The following DCP2 variants were observed in gnomAD, a reference collection of about 807,000 sequenced individuals.
DCP2 encodes the protein decapping mRNA 2.
In DCP2, 30 loss-of-function variants were observed where a neutral mutation model predicts 56.1. The observed-to-expected ratio is 0.53, with a 90% CI of 0.40 to 0.73. The LOEUF is 0.73. DCP2 is among the 30% of genes least tolerant of loss of function. The pLI, the probability that DCP2 is intolerant of heterozygous loss-of-function variation, is 0.00. For synonymous variants in DCP2, 197 were observed against 163.3 expected, an observed-to-expected ratio of 1.21 and a Z score of -1.57; for missense variants, 533 against 502.7, an observed-to-expected ratio of 1.06 and a Z score of -0.58.
chr5:113,009,440 A>T (rs1264680711), intron 9 of DCP2, among the ~76,000 whole-genome samples: 1 of 152,236 alleles, frequency 6.6e-6, no homozygotes, highest in Non-Finnish European at 1.5e-5. Flanking sequence ...AATGAGTTAC[A>T]TTTCTCCGAT....
chr5:113,002,548 GTC>G (rs1316256605), intron 7 of DCP2, among the ~76,000 whole-genome samples: 1 of 152,048 alleles, frequency 6.6e-6, no homozygotes, highest in African/African-American at 2.4e-5. Context: ...TTGAGGCAGG[GTC>G]TCTCTCTGTT....
rs1399455178 is a variant in DCP2 at position 113,022,051 on chromosome 5, A to ACAGTT, written c.*8569_*8573dup. 6.6e-6 allele frequency: 1 copy of ACAGTT among 152,224 alleles called. No homozygotes were observed. Among genetic ancestry groups the ACAGTT allele is most frequent in the Non-Finnish European group, 1.5e-5 (1 of 68,028 alleles). 9.4% of individuals were successfully genotyped at this position (152,224 alleles called of 1,614,324 possible). Reference sequence around the variant, plus strand: ...TTTGATATTTGCCTGCATGTATATCACAGTTCTACAGAAGGATAGCCTTAC... The same window carrying ACAGTT: ...TTTGATATTTGCCTGCATGTATATCACAGTTCAGTTCTACAGAAGGATAGCCTTAC... On this transcript the variant is annotated 3_prime_UTR_variant, in exon 11 of 11. Transcript: ENST00000389063.
chr5:113,009,253 C>G (rs538405786), intron 9 of DCP2, among the ~76,000 whole-genome samples: 1 of 152,172 alleles, frequency 6.6e-6, no homozygotes, highest in Admixed American at 6.5e-5. Flanking sequence ...GGGAGAACTT[C>G]ACAAAATACT....
rs1178970864 is a variant in DCP2 at position 113,016,112 on chromosome 5, A to G, written c.*2628A>G. 1 of 152,630 alleles carries G rather than the reference A, an allele frequency of 6.6e-6. No homozygotes were observed. The highest frequency in any genetic ancestry group is 2.4e-5 in the African/African-American group (1 of 41,468). 9.5% of individuals were successfully genotyped at this position (152,630 alleles called of 1,614,324 possible). A position where few individuals can be genotyped will look rare whatever the true frequency, so the allele number is the denominator to read the frequency against. ...TTTAAAAAAATTTGTAGGTGCTTTT[A>G]TGTATAACTTTAATGATTTATAAGA... On this transcript the variant is annotated 3_prime_UTR_variant, in exon 11 of 11. Transcript: ENST00000389063.
At chr5:112,987,189 T>G (rs1195180220) in intron 2 of DCP2, among the ~76,000 whole-genome samples, 1 of 152,038 alleles carries the variant, frequency 6.6e-6, no homozygotes, top group African/African-American at 2.4e-5. Flanking sequence ...GTTTCTAGAA[T>G]TTGGAAAAAA....
At position 113,018,140 on chromosome 5, in the gene DCP2, A is replaced by G. The variant is rs542194710; in HGVS notation, c.*4656A>G. On this transcript the variant is annotated 3_prime_UTR_variant, in exon 11 of 11. Transcript: ENST00000389063. ...ATGGTGATTCATTCCTTTCCATCTA[A>G]CTTCCTTGTGACAAATAGCATTTAC... 1.3e-5 allele frequency: 2 copies of G among 152,272 alleles called. No homozygotes were observed. Among genetic ancestry groups the G allele is most frequent in the African/African-American group, 4.8e-5 (2 of 41,542 alleles). 9.4% of individuals were successfully genotyped at this position (152,272 alleles called of 1,614,324 possible). A position where few individuals can be genotyped will look rare whatever the true frequency, so the allele number is the denominator to read the frequency against.
At position 113,021,400 on chromosome 5, in the gene DCP2, A is replaced by C. The variant is rs1750121490; in HGVS notation, c.*7916A>C. 1.3e-5 allele frequency among the ~76,000 whole-genome samples: 2 copies of C among 151,802 alleles called. No homozygotes were observed. Among genetic ancestry groups the C allele is most frequent in the South Asian group, 2.1e-4 (1 of 4,810 alleles). On this transcript the variant is annotated 3_prime_UTR_variant, in exon 11 of 11. Coordinates refer to ENST00000389063, the MANE Select transcript of DCP2 (RefSeq NM_152624.6). ...CAAAAAACAACCAAAAAAAAAAAAA[A>C]AAAACCCCCAGGAAGAAATATTGTC...
At chr5:112,997,100 T>G (rs1748895581) in intron 4 of DCP2, among the ~76,000 whole-genome samples, 1 of 152,212 alleles carries the variant, frequency 6.6e-6, no homozygotes, top group Non-Finnish European at 1.5e-5. Flanking sequence ...ATTTGGCTAT[T>G]AGCTCTTTTT....
chr5:112,988,503 A>AAT (rs1400792068), intron 2 of DCP2, among the ~76,000 whole-genome samples: 86 of 150,464 alleles, frequency 5.7e-4, no homozygotes, highest in African/African-American at 1.9e-3. Flanking sequence ...ATAAAAAAAA[A>AAT]AAAAAAAAAA....
chr5:112,978,419 T>A (rs193169745), intron 1 of DCP2, among the ~76,000 whole-genome samples: 38 of 152,346 alleles, frequency 2.5e-4, no homozygotes, highest in African/African-American at 9.1e-4. Context: ...TTACATAAGG[T>A]CACATTCATC....
At chr5:112,987,857 C>T (rs1045866538) in intron 2 of DCP2, among the ~76,000 whole-genome samples, 3 of 151,220 alleles carry the variant, frequency 2.0e-5, no homozygotes, top group Non-Finnish European at 4.4e-5. Context: ...GCTTGAATTT[C>T]TGGGCTTAAG....
At chr5:113,007,411 T>C (rs1749490631) in intron 8 of DCP2, among the ~76,000 whole-genome samples, 1 of 149,062 alleles carries the variant, frequency 6.7e-6, no homozygotes, top group South Asian at 2.1e-4. Context: ...TTTTTTTTTT[T>C]TTTGAAAAAG....
chr5:112,989,764 C>T (rs1748495996), intron 2 of DCP2, among the ~76,000 whole-genome samples: 1 of 152,164 alleles, frequency 6.6e-6, no homozygotes, highest in South Asian at 2.1e-4. Context: ...TTTTTCAAGA[C>T]TGCTGTGAAA....
chr5:112,984,605 C>G (rs1044045425), intron 1 of DCP2: 1 of 150,156 alleles, frequency 6.7e-6, no homozygotes, highest in South Asian at 2.1e-4. Flanking sequence ...AGACTTGTGT[C>G]TCCCAAATTG....
intron 1 of DCP2, among the ~76,000 whole-genome samples, chr5:112,977,462 A>G (rs1026521080): frequency 1.3e-5 from 2 of 152,124 alleles, no homozygotes; most frequent in African/African-American, 2.4e-5. Context: ...GCAAGGAGCA[A>G]ATTTTCGGAC....
chr5:113,010,826 T>TTA lies in DCP2; in HGVS notation c.1099+20_1099+21insAT, dbSNP rs1561705796. The TTA allele has an allele frequency of 3.1e-6, 5 of 1,594,914 alleles. No homozygotes were observed. The South Asian group carries it at 5.8e-5, about 18-fold the overall frequency. On this transcript the variant is annotated intron_variant, in intron 10 of 10. Coordinates refer to ENST00000389063, the MANE Select transcript of DCP2 (RefSeq NM_152624.6). ...GAAACAGGCAAGTCATTTCCTATCT[T>TTA]TTTATAATCTCTGCCTTGTGGGATT...
In DCP2 at chr5:113,016,038, G is replaced by A. The variant is rs904553638; in HGVS notation, c.*2554G>A. The A allele has an allele frequency of 5.2e-5, 8 of 152,568 alleles. No individual in the cohort carries two copies. The highest frequency in any genetic ancestry group is 9.7e-5 in the African/African-American group (4 of 41,422). The allele number at this position is 152,568 out of a possible 1,614,324, so 9.5% of individuals were successfully genotyped here. On this transcript the variant is annotated 3_prime_UTR_variant, in exon 11 of 11. Coordinates refer to ENST00000389063, the MANE Select transcript of DCP2 (RefSeq NM_152624.6). ...TTGGAATTCACTTTTTAAATGTTACGTTCCAACCTTATATGTTCCAAGGTG... is the reference window on the plus strand; with the variant it reads ...TTGGAATTCACTTTTTAAATGTTACATTCCAACCTTATATGTTCCAAGGTG...
intron 8 of DCP2, among the ~76,000 whole-genome samples, chr5:113,006,218 A>G (rs1351529137): frequency 2.0e-5 from 3 of 152,166 alleles, no homozygotes; most frequent in African/African-American, 7.2e-5. Context: ...GAGGATAAAT[A>G]TCGTATTAAT....
At position 113,016,732 on chromosome 5, in the gene DCP2, CATCCTTTCTTTTTT is replaced by C. The variant is rs1749901751; in HGVS notation, c.*3249_*3262del. ...ACTACCTATTCTCTCATGGACTTCT[CATCCTTTCTTTTTT>C]CATCTCCAACAGTTAAATGGTAAGG... On this transcript the variant is annotated 3_prime_UTR_variant, in exon 11 of 11. Coordinates refer to ENST00000389063, the MANE Select transcript of DCP2 (RefSeq NM_152624.6). The C allele has an allele frequency of 6.6e-6, 1 of 151,990 alleles. No individual in the cohort carries two copies. The highest frequency in any genetic ancestry group is 1.5e-5 in the Non-Finnish European group (1 of 67,996). 9.4% of individuals were successfully genotyped at this position (151,990 alleles called of 1,614,324 possible).
Sources: gnomAD v4.1 joint callset for allele counts (sites outside exome capture counted in the v4.1 genomes callset) on GRCh38, gnomAD v4.1.1 for gene constraint, MANE v1.5 for transcripts, NCBI Gene and HGNC (gene_info 2026-07-23, HGNC 2026-07-21) for gene names.